The following DST variants were observed in gnomAD, a reference collection of about 807,000 sequenced individuals.
DST encodes the protein bullous pemphigoid antigen.
In DST, 253 loss-of-function variants were observed where a neutral mutation model predicts 875.2. The observed-to-expected ratio is 0.29, with a 90% CI of 0.26 to 0.32. DST has a LOEUF of 0.32. Ranked by LOEUF, DST falls within the 10% of genes least tolerant of loss-of-function variation. The pLI, the probability that DST is intolerant of heterozygous loss-of-function variation, is 1.00. For missense variants in DST, 8,287 were observed against 9,111.6 expected (o/e 0.91, Z 3.68); for synonymous variants, 3,124 against 3,197.1 (o/e 0.98, Z 0.77).
intron 4 of DST, among the ~76,000 whole-genome samples, chr6:56,804,261 C>T (rs1189442599): frequency 6.6e-6 from 1 of 152,044 alleles, no homozygotes; most frequent in African/African-American, 2.4e-5. Flanking sequence ...GAAGGATTTA[C>T]ACAATTTCCA....
In DST at chr6:56,565,632, C is replaced by T. The variant is rs147704342; in HGVS notation, c.14005+2837G>A. The stretch of plus-strand genomic sequence containing the variant: ...GAGCTCTCCTGTATGAGATGTCTGT[C>T]GACCCCTGCTGGGAGGTGTCTTCCA... On this transcript the variant is annotated intron_variant, in intron 55 of 103. Transcript: ENST00000680361. Among the ~76,000 whole-genome samples the T allele has an allele frequency of 1.9e-3, 287 of 152,278 alleles. 1 individual carries two copies. The highest frequency in any genetic ancestry group is 6.5e-3 in the African/African-American group (271 of 41,554).
intron 2 of DST, among the ~76,000 whole-genome samples, chr6:56,951,854 GT>G (rs1313638342): frequency 1.3e-5 from 2 of 152,216 alleles, no homozygotes; most frequent in African/African-American, 2.4e-5. Flanking sequence ...TCCAGTAAGA[GT>G]TGAGATTTAG....
At chr6:56,813,513 G>T (rs2099763143) in intron 4 of DST, among the ~76,000 whole-genome samples, 1 of 151,882 alleles carries the variant, frequency 6.6e-6, no homozygotes, top group Non-Finnish European at 1.5e-5. Context: ...AAACTACAAA[G>T]AAATATTTAA....
intron 27 of DST, among the ~76,000 whole-genome samples, chr6:56,633,417 G>A (rs1482067968): frequency 2.6e-5 from 4 of 151,282 alleles, no homozygotes; most frequent in East Asian, 3.9e-4. Context: ...TAGTAGAGAC[G>A]GGGTTTCACC....
Position 56,672,561 on chromosome 6 carries a change from G to A in DST, c.1048-1754C>T, listed in dbSNP as rs555772827. Among the ~76,000 whole-genome samples the A allele has an allele frequency of 6.4e-4, 98 of 152,050 alleles. 2 individuals are homozygous for A. The South Asian group carries it at 0.02, about 32-fold the overall frequency. Reference sequence around the variant, plus strand: ...TTGGCCCAAGTTCCAATGATATTCTGGTCCAAAATTATGCTACAGTACCTT... The same window carrying A: ...TTGGCCCAAGTTCCAATGATATTCTAGTCCAAAATTATGCTACAGTACCTT... On this transcript the variant is annotated intron_variant, in intron 9 of 103. Coordinates refer to ENST00000680361, the MANE Select transcript of DST (RefSeq NM_001374736.1).
chr6:56,777,963 A>G (rs2099682552), intron 4 of DST, among the ~76,000 whole-genome samples: 2 of 152,064 alleles, frequency 1.3e-5, no homozygotes, highest in African/African-American at 4.8e-5. Flanking sequence ...TCAGCCTCCC[A>G]AAGTGCTAGG....
chr6:56,568,561 T>G lies in DST; in HGVS notation c.13913A>C (p.Glu4638Ala). The G allele has an allele frequency of 6.2e-7, 1 of 1,611,530 alleles. No individual in the cohort carries two copies. The highest frequency in any genetic ancestry group is 8.5e-7 in the Non-Finnish European group (1 of 1,178,790). Residue 4638 changes from glutamate to alanine, a missense_variant, in exon 55 of 104, where the codon GAG becomes GCG. By Grantham distance (107) the Glu-to-Ala change is moderately radical. This residue lies in a region of DST where 1,513 missense variants were observed against 1,677.8 expected (regional missense o/e 0.90). Transcript: ENST00000680361. ...CCCACTGTTGTTTACTTTCTGAATC[T>G]CTGGTGTTTTTAAACTCCACTTTTC... ...LQEKWSLKTP[E>A]IQKVNNSGIS...
chr6:56,533,343 CGTAAGT>C (rs1210654275), intron 63 of DST, among the ~76,000 whole-genome samples: 2 of 152,174 alleles, frequency 1.3e-5, no homozygotes, highest in Non-Finnish European at 2.9e-5. Context: ...ATGAGGAAGG[CGTAAGT>C]GTATGAAACA....
rs1053987213 is a variant in DST at position 56,757,057 on chromosome 6, T to C, written c.626-21768A>G. On this transcript the variant is annotated intron_variant, in intron 4 of 103. Coordinates refer to ENST00000680361, the MANE Select transcript of DST (RefSeq NM_001374736.1). ...AAAATACTCATTCAGACTATTTTCA[T>C]TTTAAAGCAAAGGAACAGAGATGGT... Among the ~76,000 whole-genome samples, 6 of 152,206 alleles carry C rather than the reference T, an allele frequency of 3.9e-5. No homozygotes were observed. The South Asian group carries it at 1.2e-3, about 32-fold the overall frequency.
chr6:56,551,804 G>A (rs2097329215), intron 61 of DST, among the ~76,000 whole-genome samples: 1 of 152,180 alleles, frequency 6.6e-6, no homozygotes, highest in Admixed American at 6.5e-5. Flanking sequence ...AGAAAAGACG[G>A]TAATTCACCA....
chr6:56,506,935 T>C (rs1410018466), intron 75 of DST, 146 bp from the exon 76 acceptor site: 2 of 839,886 alleles, frequency 2.4e-6, no homozygotes, highest in East Asian at 2.8e-5. Flanking sequence ...AATAAATTTT[T>C]TCAACAAGAA....
chr6:56,843,338 A>C, intron 4 of DST: 14 of 1,204,972 alleles, frequency 1.2e-5, no homozygotes, highest in Non-Finnish European at 9.3e-6. Context: ...CGGCAAAGGA[A>C]ACGCCCAGGC....
At position 56,600,058 on chromosome 6, in the gene DST, C is replaced by A. The variant is rs200533937; in HGVS notation, c.11694+11G>T. The A allele has an allele frequency of 1.7e-4, 269 of 1,608,020 alleles. No individual in the cohort carries two copies. The highest frequency in any genetic ancestry group is 1.1e-4 in the East Asian group (5 of 44,784). ...TCAACATAGATCTGCTGATAGAAAACCAAATTCTACCTCTTGCTTGGACTG... is the reference window on the plus strand; with the variant it reads ...TCAACATAGATCTGCTGATAGAAAAACAAATTCTACCTCTTGCTTGGACTG... On this transcript the variant is annotated intron_variant, in intron 45 of 103. Transcript: ENST00000680361.
rs539219591 is a variant in DST, at chr6:56,869,595, A to T, written c.418-17991T>A. On this transcript the variant is annotated intron_variant, in intron 3 of 103. Coordinates refer to ENST00000680361, the MANE Select transcript of DST (RefSeq NM_001374736.1). ...GCTTGTGGCTGGACAGAGAAGAAAA[A>T]AAAAAAAAACTTCATAACCACAAGC... Among the ~76,000 whole-genome samples the T allele has an allele frequency of 9.9e-5, 15 of 152,242 alleles. No homozygotes were observed. The South Asian group carries it at 3.1e-3, about 32-fold the overall frequency.
At chr6:56,509,618 G>A (rs2096425870) in intron 74 of DST, 24 bp downstream of exon 74, 2 of 1,564,310 alleles carry the variant, frequency 1.3e-6, no homozygotes, top group Admixed American at 1.7e-5. Flanking sequence ...TTTAAAATTT[G>A]TTTCCCTATT....
Position 56,640,594 on chromosome 6 carries a change from A to T in DST, c.2039T>A (p.Leu680Gln). ...CCTTAAGGCCATAATTTCGTCACGCAGTTTTGCAACCCTGAAAAGAAAATC... is the reference window on the plus strand; with the variant it reads ...CCTTAAGGCCATAATTTCGTCACGCTGTTTTGCAACCCTGAAAAGAAAATC... ...ADQLVQRVAK[L>Q]RDEIMALRNE... is the part of the protein sequence containing the mutation. The change falls in exon 18 of 104, where the codon CTG becomes CAG. Residue 680 changes from leucine (L) to glutamine (Q), a missense_variant. Around this residue, in one of 10 missense-constraint regions of DST, gnomAD observed 1,160 missense variants for 1,424.3 expected, o/e 0.81. Coordinates refer to ENST00000680361, the MANE Select transcript of DST (RefSeq NM_001374736.1). The T allele has an allele frequency of 6.2e-7, 1 of 1,614,092 alleles. No individual in the cohort carries two copies. The highest frequency in any genetic ancestry group is 8.5e-7 in the Non-Finnish European group (1 of 1,180,000).
rs551899338 is a variant in DST, at chr6:56,582,958, G to C, written c.12904-4021C>G. ...TTTTATGGCTGCATAGTATTCCATGGTGTATATGTGCCACATTTTCTTAAT... is the reference window on the plus strand; with the variant it reads ...TTTTATGGCTGCATAGTATTCCATGCTGTATATGTGCCACATTTTCTTAAT... On this transcript the variant is annotated intron_variant, in intron 49 of 103. Coordinates refer to ENST00000680361, the MANE Select transcript of DST (RefSeq NM_001374736.1). 2.6e-5 allele frequency among the ~76,000 whole-genome samples: 4 copies of C among 152,136 alleles called. No homozygotes were observed. The South Asian group carries it at 6.2e-4, about 24-fold the overall frequency.
chr6:56,720,859 G>A (rs1251346899), intron 5 of DST, among the ~76,000 whole-genome samples: 1 of 151,966 alleles, frequency 6.6e-6, no homozygotes, highest in East Asian at 1.9e-4. Flanking sequence ...TTCTCAATGA[G>A]CTGTTTGGTA....
At chr6:56,554,991 G>A (rs2097385184) in intron 60 of DST, among the ~76,000 whole-genome samples, 1 of 152,230 alleles carries the variant, frequency 6.6e-6, no homozygotes, top group South Asian at 2.1e-4. Context: ...CAGATGAGAA[G>A]ATGATGCAAA....
Sources: allele counts gnomAD v4.1 joint callset (sites outside exome capture counted in the v4.1 genomes callset), GRCh38; gene constraint gnomAD v4.1.1; regional missense constraint gnomAD v4.1.1; transcripts MANE v1.5; gene names NCBI Gene and HGNC (gene_info 2026-07-23, HGNC 2026-07-21).